Variants in ZNF726 observed in about 807,000 individuals in gnomAD.
The protein encoded by ZNF726 is zinc finger protein 726.
A neutral mutation model predicts 11.6 loss-of-function variants in ZNF726; 15 were observed. The ratio of observed to expected loss-of-function variants is 1.29; its 90% CI spans 0.86 to 1.99. The LOEUF is 1.99. Ranked by LOEUF, ZNF726 falls within the 30% of genes most tolerant of loss-of-function variation. The pLI, the probability that ZNF726 is intolerant of heterozygous loss-of-function variation, is 0.00. For synonymous variants in ZNF726, 295 were observed against 243.6 expected (o/e 1.21, Z -1.96); for missense variants, 890 against 725.6 (o/e 1.23, Z -2.60).
At chr19:23,930,584 G>C (rs1968082904) in intron 3 of ZNF726, among the ~76,000 whole-genome samples, 1 of 151,988 alleles carries the variant, frequency 6.6e-6, no homozygotes, top group Non-Finnish European at 1.5e-5. Flanking sequence ...TTGTTTGCCT[G>C]TATAAATGTT....
intron 3 of ZNF726, among the ~76,000 whole-genome samples, chr19:23,943,040 G>A (rs1462039470): frequency 6.6e-6 from 1 of 152,058 alleles, no homozygotes; most frequent in Non-Finnish European, 1.5e-5. Flanking sequence ...GAAGGTGAGG[G>A]GAATGGAGTC....
At chr19:23,935,170 G>C (rs1320450515), downstream of ZNF726, 1 of 400,982 alleles carries the variant, frequency 2.5e-6, no homozygotes, top group African/African-American at 2.1e-5. Flanking sequence ...ACATGTTGTG[G>C]GGAGAGACCC....
At chr19:23,919,881 TA>T in intron 2 of ZNF726, 105 bp from the exon 3 acceptor site, 2 of 633,608 alleles carry the variant, frequency 3.2e-6, no homozygotes, top group Non-Finnish European at 4.7e-6. Context: ...GTATATGGGA[TA>T]AATTTATTAG....
chr19:23,942,752 T>A (rs1968358629), intron 3 of ZNF726, among the ~76,000 whole-genome samples: 1 of 152,210 alleles, frequency 6.6e-6, no homozygotes, highest in Non-Finnish European at 1.5e-5. Context: ...TCTTTAAAAT[T>A]TGTTTTGTCT....
At chr19:23,929,271 T>TA (rs1358263071) in intron 3 of ZNF726, 3 of 152,232 alleles carry the variant, frequency 2.0e-5, no homozygotes, top group African/African-American at 7.2e-5. Flanking sequence ...TTTCTATAAA[T>TA]ATTATCTTCA....
chr19:23,932,864 A>G lies in ZNF726; in HGVS notation c.748A>G (p.Thr250Ala), dbSNP rs1968140961. 1 of 1,608,446 alleles carries G rather than the reference A, an allele frequency of 6.2e-7. No homozygotes were observed. The highest frequency in any genetic ancestry group is 1.7e-5 in the Admixed American group (1 of 59,098). ...CTCAAATTATACTACACATAAGGTA[A>G]CTCATACTGGAGAGAAGCCTTACAA... ...QSSNYTTHKV[T>A]HTGEKPYKCE... The change falls in exon 4 of 4, where the codon ACT becomes GCT. Residue 250 changes from threonine (T) to alanine (A), a missense_variant. Transcript: ENST00000594466.
chr19:23,933,481 T>C lies in ZNF726; in HGVS notation c.1365T>C (p.Cys455=). ...ATACTAGAGAGAAACCCTACAAATG[T>C]GAAGAATGTAGTAAAGCATTTAGCC... is the stretch of plus-strand genomic sequence containing the variant. ...KIHTREKPYK[C]EECSKAFSRS... Residue 455 remains cysteine, a synonymous_variant, in exon 4 of 4, where the codon TGT becomes TGC. Coordinates refer to ENST00000594466, the MANE Select transcript of ZNF726 (RefSeq NM_001244038.2). 1 of 1,612,436 alleles carries C rather than the reference T, an allele frequency of 6.2e-7. No homozygotes were observed. Among genetic ancestry groups the C allele is most frequent in the Non-Finnish European group, 8.5e-7 (1 of 1,179,720 alleles).
Position 23,934,276 on chromosome 19 carries a change from G to A in ZNF726, c.*309G>A. ...GGTCCACACCCCTAAGTAGACATAA[G>A]AGGATGCACACTGGAGAGAAACCTT... is the stretch of plus-strand genomic sequence containing the variant. On this transcript the variant is annotated 3_prime_UTR_variant, in exon 4 of 4. Coordinates refer to ENST00000594466, the MANE Select transcript of ZNF726 (RefSeq NM_001244038.2). 1 of 651,344 alleles carries A rather than the reference G, an allele frequency of 1.5e-6. No homozygotes were observed. Among genetic ancestry groups the A allele is most frequent in the South Asian group, 1.4e-5 (1 of 71,578 alleles). The allele number at this position is 651,344 out of a possible 1,614,324, so 40.3% of individuals were successfully genotyped here.
intron 3 of ZNF726, among the ~76,000 whole-genome samples, chr19:23,941,433 T>C (rs1356552237): frequency 6.6e-6 from 1 of 152,136 alleles, no homozygotes; most frequent in African/African-American, 2.4e-5. Flanking sequence ...TATTAATCTG[T>C]AGTTTTCTTT....
chr19:23,933,098 C>G lies in ZNF726; in HGVS notation c.982C>G (p.Leu328Val), dbSNP rs758037174. The G allele has an allele frequency of 6.2e-7, 1 of 1,612,132 alleles. No individual in the cohort carries two copies. The highest frequency in any genetic ancestry group is 8.5e-7 in the Non-Finnish European group (1 of 1,179,956). Residue 328 changes from leucine (L) to valine (V), a missense_variant, in exon 4 of 4, where the codon CTA becomes GTA. Physicochemically the swap from Leu to Val is conservative, Grantham distance 32 (BLOSUM62 1). Transcript: ENST00000594466. ...CGKAFVWSST[L>V]TRHKRLHSGE... ...CAAAGCATTTGTTTGGTCCTCAACC[C>G]TAACTAGACATAAGAGGCTGCACAG...
chr19:23,932,454 T>A lies in ZNF726; in HGVS notation c.338T>A (p.Leu113Ter), dbSNP rs558974435. Residue 113 changes from leucine to a stop codon, truncating the protein, a stop_gained, in exon 4 of 4, where the codon TTA (leucine) becomes TAA (stop). Coordinates refer to ENST00000594466, the MANE Select transcript of ZNF726 (RefSeq NM_001244038.2). LOFTEE classifies it low-confidence loss of function (END_TRUNC). ...AAATGTGGACATGAGAATTTACAGT[T>A]AAGAAAAGGTTGTAAAAGTGTGGAT... ...FEKCGHENLQ[L>*]RKGCKSVDEC... 3 of 1,575,286 alleles carry A rather than the reference T, an allele frequency of 1.9e-6. No homozygotes were observed. Among genetic ancestry groups the A allele is most frequent in the African/African-American group, 2.7e-5 (2 of 73,260 alleles).
intron 3 of ZNF726, among the ~76,000 whole-genome samples, chr19:23,941,111 G>A (rs143646610): frequency 3.9e-5 from 6 of 152,190 alleles, no homozygotes; most frequent in Middle Eastern, 3.4e-3. Context: ...TGTTGGCTGC[G>A]GGTTTGTCAT....
At chr19:23,930,720 CTA>C (rs1374273859) in intron 3 of ZNF726, among the ~76,000 whole-genome samples, 4 of 151,694 alleles carry the variant, frequency 2.6e-5, no homozygotes, top group South Asian at 2.1e-4. Flanking sequence ...ATTTGTGAGT[CTA>C]TGTAATTTTT....
chr19:23,918,413 T>TA (rs1031487777), intron 1 of ZNF726, among the ~76,000 whole-genome samples: 3 of 152,136 alleles, frequency 2.0e-5, no homozygotes, highest in Non-Finnish European at 2.9e-5. Flanking sequence ...ATTAGGGTGC[T>TA]AAAAAAAGGC....
At chr19:23,915,108 G>C in intron 1 of ZNF726, 111 bp downstream of exon 1, 1 of 1,535,532 alleles carries the variant, frequency 6.5e-7, no homozygotes, top group Non-Finnish European at 9.0e-7. Context: ...TACAATCTGC[G>C]CCCGAGTTGT....
chr19:23,937,431 G>A (rs1200073980), downstream of ZNF726, among the ~76,000 whole-genome samples: 2 of 151,960 alleles, frequency 1.3e-5, no homozygotes, highest in East Asian at 2.0e-4. Flanking sequence ...TCTCAGACGG[G>A]GCGGTTGCCA....
At chr19:23,932,048 A>C (rs577265565) in intron 3 of ZNF726, among the ~76,000 whole-genome samples, 3 of 152,220 alleles carry the variant, frequency 2.0e-5, no homozygotes, top group Non-Finnish European at 2.9e-5. Flanking sequence ...AGTGGGAAGC[A>C]GGAAAAGCTG....
At chr19:23,929,956 C>T (rs1249279235) in intron 3 of ZNF726, among the ~76,000 whole-genome samples, 2 of 151,992 alleles carry the variant, frequency 1.3e-5, no homozygotes, top group African/African-American at 2.4e-5. Flanking sequence ...ACAAAATGGA[C>T]TTATTATAGC....
At chr19:23,940,068 C>T (rs1253722585) in intron 3 of ZNF726, among the ~76,000 whole-genome samples, 2 of 151,646 alleles carry the variant, frequency 1.3e-5, no homozygotes, top group African/African-American at 2.4e-5. Flanking sequence ...ACTGCGTTTG[C>T]TTTTGGTCAT....
Sources: gnomAD v4.1 joint callset for allele counts (sites outside exome capture counted in the v4.1 genomes callset) on GRCh38, gnomAD v4.1.1 for gene constraint, MANE v1.5 for transcripts, NCBI Gene and HGNC (gene_info 2026-07-23, HGNC 2026-07-21) for gene names.